Variants in WSB1 observed in about 807,000 individuals in gnomAD.
WSB1 encodes the protein WD repeat and SOCS box containing 1, also known as WD repeat and SOCS box-containing protein 1.
In WSB1, 23 loss-of-function variants were observed where a neutral mutation model predicts 50.2. The ratio of observed to expected loss-of-function variants is 0.46; its 90% CI spans 0.33 to 0.65. The LOEUF (loss-of-function observed/expected upper bound fraction) is 0.65. Among genes scored for constraint, WSB1 ranks in the 30% least tolerant of loss-of-function variants. The pLI is 0.02. For missense variants in WSB1, 492 were observed against 522.3 expected, an observed-to-expected ratio of 0.94 and a Z score of 0.56; for synonymous variants, 179 against 172.0, an observed-to-expected ratio of 1.04 and a Z score of -0.32.
At chr17:27,309,058 G>A (rs746009536) in intron 5 of WSB1, 42 bp from the exon 6 acceptor site, 6 of 1,551,464 alleles carry the variant, frequency 3.9e-6, no homozygotes, top group Non-Finnish European at 4.4e-6. Context: ...TTTGTCCTCT[G>A]TATGTCTGAA....
chr17:27,298,736 C>T (rs1450609268), intron 1 of WSB1, among the ~76,000 whole-genome samples: 2 of 151,922 alleles, frequency 1.3e-5, no homozygotes, highest in South Asian at 2.1e-4. Context: ...TGGTGGTGCA[C>T]GCCTGTAATC....
intron 7 of WSB1, among the ~76,000 whole-genome samples, chr17:27,310,716 G>A (rs779535348): frequency 1.3e-5 from 2 of 150,124 alleles, no homozygotes; most frequent in Non-Finnish European, 2.9e-5. Context: ...CATATGGAGA[G>A]AGGTTTTTTT....
chr17:27,299,160 C>G (rs1659328709), intron 1 of WSB1, among the ~76,000 whole-genome samples: 1 of 152,218 alleles, frequency 6.6e-6, no homozygotes, highest in African/African-American at 2.4e-5. Context: ...CATGCTCTTT[C>G]TGAAATCATT....
Position 27,312,520 on chromosome 17 carries a change from T to A in WSB1, c.*151T>A. On this transcript the variant is annotated 3_prime_UTR_variant, in exon 9 of 9. Transcript: ENST00000262394. ...ACTGCATTTTGATCAGTTGAGCTTT[T>A]AAAATATTATTTATAGACAATAGAA... 1.0e-6 allele frequency: 1 copy of A among 989,858 alleles called. No homozygotes were observed. Among genetic ancestry groups the A allele is most frequent in the Non-Finnish European group, 1.4e-6 (1 of 690,498 alleles). The allele number at this position is 989,858 out of a possible 1,614,324, so 61.3% of individuals were successfully genotyped here.
chr17:27,296,558 A>G (rs1001079151), intron 1 of WSB1, among the ~76,000 whole-genome samples: 24 of 152,312 alleles, frequency 1.6e-4, no homozygotes, highest in African/African-American at 5.5e-4. Flanking sequence ...TGATTAAATA[A>G]TTCTGTGATA....
rs771959500 is a variant in WSB1, at chr17:27,303,664, GTAT to G, written c.478+34_478+36del. 6.3e-4 allele frequency: 1,005 copies of G among 1,605,526 alleles called. 12 individuals carry two copies. The highest frequency in any genetic ancestry group is 1.2e-4 in the African/African-American group (9 of 74,712). ...TGGATTCATAGTTTTTAAAGCAAAT[GTAT>G]TATTTTATGATGCAGGGCACTGCTT... On this transcript the variant is annotated intron_variant, in intron 3 of 8. Transcript: ENST00000262394.
chr17:27,311,698 C>A (rs1269767016), intron 8 of WSB1, 82 bp downstream of exon 8: 1 of 972,720 alleles, frequency 1.0e-6, no homozygotes, highest in Non-Finnish European at 1.4e-6. Context: ...GTGGTGCAAT[C>A]TCTGCTCACT....
intron 6 of WSB1, 67 bp downstream of exon 6, chr17:27,309,339 C>T (rs2017579224): frequency 3.2e-6 from 4 of 1,269,428 alleles, no homozygotes; most frequent in Non-Finnish European, 3.2e-6. Context: ...TGAATAATTA[C>T]AATCACCAAT....
intron 1 of WSB1, 22 bp downstream of exon 1, chr17:27,294,457 G>A (rs2016858969): frequency 1.2e-6 from 2 of 1,612,110 alleles, no homozygotes; most frequent in Admixed American, 1.7e-5. Context: ...GACCGTGGGT[G>A]GGCGCATGAG....
intron 8 of WSB1, 50 bp from the exon 9 acceptor site, chr17:27,312,160 C>T (rs1236061978): frequency 6.4e-7 from 1 of 1,564,034 alleles, no homozygotes; most frequent in Admixed American, 2.0e-5. Context: ...TGTAGCAACA[C>T]TGAAATACAT....
At chr17:27,298,878 GTTTGTTT>G (rs1412304633) in intron 1 of WSB1, among the ~76,000 whole-genome samples, 2 of 151,886 alleles carry the variant, frequency 1.3e-5, no homozygotes, top group African/African-American at 2.4e-5. Context: ...AAAAAAAAAA[GTTTGTTT>G]TTTGTTTTTG....
Position 27,307,109 on chromosome 17 carries a change from A to G in WSB1, c.711+227A>G, listed in dbSNP as rs547609178. Reference sequence around the variant, plus strand: ...AGAGATAATAGATAATAATGGGCATATCAGGGTTTTTTTTTTTTGTAAGTC... The same window carrying G: ...AGAGATAATAGATAATAATGGGCATGTCAGGGTTTTTTTTTTTTGTAAGTC... On this transcript the variant is annotated intron_variant, in intron 5 of 8. Transcript: ENST00000262394. The G allele has an allele frequency of 1.6e-4, 79 of 506,060 alleles. 1 individual carries two copies. Among genetic ancestry groups the G allele is most frequent in the African/African-American group, 1.2e-3 (62 of 50,484 alleles). 31.3% of individuals were successfully genotyped at this position (506,060 alleles called of 1,614,324 possible). A position where few individuals can be genotyped will look rare whatever the true frequency, so the allele number is the denominator to read the frequency against.
intron 6 of WSB1, among the ~76,000 whole-genome samples, chr17:27,309,718 G>T (rs1207531460): frequency 2.0e-5 from 3 of 152,044 alleles, no homozygotes; most frequent in Non-Finnish European, 2.9e-5. Context: ...GAGTAGCTGG[G>T]CTTACAGGCA....
At chr17:27,307,115 GT>G (rs772741598) in intron 5 of WSB1, 27,432 of 364,572 alleles carry the variant, frequency 0.075, 70 homozygotes, top group South Asian at 0.12. Context: ...GCATATCAGG[GT>G]TTTTTTTTTT....
rs2017813956 is a variant in WSB1, at chr17:27,315,552, G to A, written c.*3183G>A. ...TGTAGCATGCTTATGGGTTGAGGCA[G>A]TGGCAGAGGCAGAGGACTTGGCCGT... On this transcript the variant is annotated 3_prime_UTR_variant, in exon 9 of 9. Coordinates refer to ENST00000262394, the MANE Select transcript of WSB1 (RefSeq NM_015626.10). 1 of 152,248 alleles carries A rather than the reference G, an allele frequency of 6.6e-6. No homozygotes were observed. The highest frequency in any genetic ancestry group is 1.5e-5 in the Non-Finnish European group (1 of 68,058). The allele number at this position is 152,248 out of a possible 1,614,324, so 9.4% of individuals were successfully genotyped here. A position where few individuals can be genotyped will look rare whatever the true frequency, so the allele number is the denominator to read the frequency against.
chr17:27,302,141 C>T lies in WSB1; in HGVS notation c.209+185C>T, dbSNP rs373790992. On this transcript the variant is annotated intron_variant, in intron 2 of 8. Transcript: ENST00000262394. Reference sequence around the variant, plus strand: ...AAAGAATTCTTTGGGCCGGGCGCGGCGGCTCAGGCCTATAATCCCAGCACT... The same window carrying T: ...AAAGAATTCTTTGGGCCGGGCGCGGTGGCTCAGGCCTATAATCCCAGCACT... 818 of 715,162 alleles carry T rather than the reference C, an allele frequency of 1.1e-3. 18 individuals are homozygous for T. In the South Asian group the frequency reaches 0.019, roughly 16 times the overall value. 44.3% of individuals were successfully genotyped at this position (715,162 alleles called of 1,614,324 possible). A position where few individuals can be genotyped will look rare whatever the true frequency, so the allele number is the denominator to read the frequency against.
At chr17:27,310,490 GA>G (rs2017635894) in intron 7 of WSB1, among the ~76,000 whole-genome samples, 1 of 152,124 alleles carries the variant, frequency 6.6e-6, no homozygotes, top group South Asian at 2.1e-4. Context: ...TTTCTAAAGT[GA>G]AACAAATAGT....
At position 27,311,633 on chromosome 17, in the gene WSB1, CTTTTT is replaced by C. The variant is rs142949229; in HGVS notation, c.1106+39_1106+43del. 4.1e-3 allele frequency: 2,008 copies of C among 488,820 alleles called. No homozygotes were observed. The highest frequency in any genetic ancestry group is 5.3e-3 in the East Asian group (96 of 18,226). 30.3% of individuals were successfully genotyped at this position (488,820 alleles called of 1,614,324 possible). ...AGCTGCTGGGTAAATATATTTTTCT[CTTTTT>C]TTTTTTTTTTTTTTTTTTTTTGAGA... On this transcript the variant is annotated intron_variant, in intron 8 of 8. Coordinates refer to ENST00000262394, the MANE Select transcript of WSB1 (RefSeq NM_015626.10).
intron 3 of WSB1, 48 bp downstream of exon 3, chr17:27,303,683 G>T: frequency 6.3e-7 from 1 of 1,590,290 alleles, no homozygotes; most frequent in Admixed American, 1.7e-5. Context: ...TATGATGCAG[G>T]GCACTGCTTA....
Sources: gnomAD v4.1 joint callset for allele counts (sites outside exome capture counted in the v4.1 genomes callset) on GRCh38, gnomAD v4.1.1 for gene constraint, MANE v1.5 for transcripts, NCBI Gene and HGNC (gene_info 2026-07-23, HGNC 2026-07-21) for gene names.